SCHIP1: variants seen among roughly 807,000 people sequenced by gnomAD.
The protein encoded by SCHIP1 is schwannomin-interacting protein 1.
Under a neutral mutation model 29.7 loss-of-function variants are expected in SCHIP1, and 8 were observed. The observed-to-expected ratio is 0.27, with a 90% CI of 0.16 to 0.49. SCHIP1 has a LOEUF of 0.49. Among genes scored for constraint, SCHIP1 ranks in the 20% least tolerant of loss-of-function variants. SCHIP1 has a pLI of 0.99. For missense variants in SCHIP1, 193 were observed against 294.6 expected (o/e 0.66, Z 2.52); for synonymous variants, 76 against 94.9 (o/e 0.80, Z 1.16).
the SCHIP1 span, among the ~76,000 whole-genome samples, chr3:159,637,624 G>C: frequency 6.6e-6 from 1 of 152,150 alleles, no homozygotes; most frequent in African/African-American, 2.4e-5. Context: ...ATTCCTTAGA[G>C]AAAATCTAGT....
the SCHIP1 span, chr3:159,273,986 G>C: frequency 2.0e-6 from 3 of 1,523,560 alleles, no homozygotes; most frequent in South Asian, 2.5e-5. Context: ...AATTTAAGCT[G>C]ATGGCCTTCA....
At chr3:159,344,304 A>G in the SCHIP1 span, among the ~76,000 whole-genome samples, 1 of 148,466 alleles carries the variant, frequency 6.7e-6, no homozygotes, top group South Asian at 2.2e-4. Flanking sequence ...CAGGGCGACA[A>G]TAGGGAAACT....
At chr3:159,818,936 T>TA in the SCHIP1 span, among the ~76,000 whole-genome samples, 1 of 152,210 alleles carries the variant, frequency 6.6e-6, no homozygotes, top group Non-Finnish European at 1.5e-5. Flanking sequence ...TACTACAGTT[T>TA]AAAAAAACAG....
the SCHIP1 span, among the ~76,000 whole-genome samples, chr3:159,614,873 G>A: frequency 3.3e-5 from 5 of 152,212 alleles, no homozygotes; most frequent in East Asian, 7.7e-4. Context: ...CTAGGTGCGT[G>A]CAAGGGACAC....
At chr3:159,607,944 T>C in the SCHIP1 span, among the ~76,000 whole-genome samples, 1 of 152,062 alleles carries the variant, frequency 6.6e-6, no homozygotes, top group Non-Finnish European at 1.5e-5. Flanking sequence ...AAGTCGGCAG[T>C]GTGGGAGGAG....
At chr3:159,793,144 G>T in the SCHIP1 span, among the ~76,000 whole-genome samples, 1 of 152,080 alleles carries the variant, frequency 6.6e-6, no homozygotes, top group East Asian at 1.9e-4. Context: ...CCTTGAGTGC[G>T]TTTAACATGT....
chr3:159,804,317 A>C, the SCHIP1 span, among the ~76,000 whole-genome samples: 7 of 152,160 alleles, frequency 4.6e-5, no homozygotes, highest in Non-Finnish European at 1.0e-4. Context: ...ATTACTTTCA[A>C]AGGTCTGTTG....
At chr3:159,514,126 A>G in the SCHIP1 span, among the ~76,000 whole-genome samples, 4 of 152,166 alleles carry the variant, frequency 2.6e-5, no homozygotes, top group Non-Finnish European at 5.9e-5. Context: ...AGCACTTTCC[A>G]CAGGCAAACT....
At chr3:159,605,589 A>G in the SCHIP1 span, among the ~76,000 whole-genome samples, 31,168 of 152,116 alleles carry the variant, frequency 0.2, 8,702 homozygotes, top group African/African-American at 0.63. Flanking sequence ...TCTTGAGGAC[A>G]CACATAAAAT....
At chr3:159,596,320 G>T in the SCHIP1 span, among the ~76,000 whole-genome samples, 1 of 152,180 alleles carries the variant, frequency 6.6e-6, no homozygotes, top group Non-Finnish European at 1.5e-5. Flanking sequence ...AGAGGATGTG[G>T]AGAAATAGGA....
the SCHIP1 span, among the ~76,000 whole-genome samples, chr3:159,342,116 C>T: frequency 6.6e-6 from 1 of 152,148 alleles, no homozygotes; most frequent in Admixed American, 6.6e-5. Context: ...CTTTGCTTCA[C>T]ACTGTGGGTC....
chr3:159,694,828 G>A, the SCHIP1 span, among the ~76,000 whole-genome samples: 1 of 152,134 alleles, frequency 6.6e-6, no homozygotes, highest in Non-Finnish European at 1.5e-5. Flanking sequence ...CAGCACTTCA[G>A]TCCCTTCCAA....
chr3:159,394,662 A>C, the SCHIP1 span, among the ~76,000 whole-genome samples: 1 of 152,130 alleles, frequency 6.6e-6, no homozygotes, highest in Admixed American at 6.6e-5. Context: ...CCAGGGATGA[A>C]GCCCACTTGA....
the SCHIP1 span, among the ~76,000 whole-genome samples, chr3:159,500,255 T>G: frequency 6.6e-6 from 1 of 152,310 alleles, no homozygotes; most frequent in East Asian, 1.9e-4. Context: ...TGTTTTCCCC[T>G]GAATACTCAT....
At chr3:159,830,441 T>C in the SCHIP1 span, among the ~76,000 whole-genome samples, 1 of 152,200 alleles carries the variant, frequency 6.6e-6, no homozygotes, top group Non-Finnish European at 1.5e-5. Context: ...CTAATAATTT[T>C]CTCAGGAAAC....
At chr3:159,324,633 G>T in the SCHIP1 span, among the ~76,000 whole-genome samples, 1 of 152,100 alleles carries the variant, frequency 6.6e-6, no homozygotes, top group African/African-American at 2.4e-5. Flanking sequence ...TTGGAATCAG[G>T]CCTGGGAATG....
the SCHIP1 span, among the ~76,000 whole-genome samples, chr3:159,438,257 C>A: frequency 6.6e-6 from 1 of 152,074 alleles, no homozygotes; most frequent in Non-Finnish European, 1.5e-5. Context: ...CCTGACCATG[C>A]CTGAGGGGTT....
At chr3:159,326,626 A>G in the SCHIP1 span, among the ~76,000 whole-genome samples, 1 of 152,122 alleles carries the variant, frequency 6.6e-6, no homozygotes, top group Non-Finnish European at 1.5e-5. Flanking sequence ...GGTTAGATTT[A>G]ATATTTTACT....
the SCHIP1 span, among the ~76,000 whole-genome samples, chr3:159,608,821 G>T: frequency 6.6e-6 from 1 of 152,122 alleles, no homozygotes; most frequent in African/African-American, 2.4e-5. Flanking sequence ...GAAAAAGATA[G>T]CTGGTGTCCT....
Sources: gnomAD v4.1 joint callset for allele counts (sites outside exome capture counted in the v4.1 genomes callset) on GRCh38, gnomAD v4.1.1 for gene constraint, MANE v1.5 for transcripts, NCBI Gene and HGNC (gene_info 2026-07-23, HGNC 2026-07-21) for gene names.